The following GSTK1 variants were observed in gnomAD, a reference collection of about 807,000 sequenced individuals.
The protein encoded by GSTK1 is glutathione S-transferase kappa 1, also known as GST class-kappa.
Under a neutral mutation model 30.9 loss-of-function variants are expected in GSTK1, and 25 were observed. The ratio of observed to expected loss-of-function variants is 0.81; its 90% CI spans 0.59 to 1.13. The LOEUF (loss-of-function observed/expected upper bound fraction) is 1.13, where lower values mean the gene tolerates loss of function less well. Ranked by LOEUF, GSTK1 falls within the 50% of genes most tolerant of loss-of-function variation. The probability of loss-of-function intolerance (pLI) is 0.00; values close to 1 mark genes in which losing one functional copy is unlikely to be tolerated. For synonymous variants in GSTK1, 108 were observed against 112.5 expected (o/e 0.96, Z 0.25); for missense variants, 292 against 292.4 (o/e 1.00, Z 0.01).
rs1225726264 is a variant in GSTK1 at position 143,264,634 on chromosome 7, A to T, written c.241A>T (p.Ile81Phe). The change falls in exon 3 of 8, where the codon ATC (isoleucine) becomes TTC (phenylalanine). Residue 81 changes from isoleucine to phenylalanine, a missense_variant. By Grantham distance (21) the Ile-to-Phe change is conservative. Transcript: ENST00000358406. ...KLLRHHLQIPIHFPKDFLSVM... is the reference protein window; with the variant it reads ...KLLRHHLQIPFHFPKDFLSVM... The stretch of plus-strand genomic sequence containing the variant: ...CCTGAGACACCATCTCCAGATTCCC[A>T]TCCACTTCCCCAAGGATTTCTTGTC... The T allele has an allele frequency of 1.2e-6, 2 of 1,614,064 alleles. No individual in the cohort carries two copies. Among genetic ancestry groups the T allele is most frequent in the Non-Finnish European group, 1.7e-6 (2 of 1,179,978 alleles).
At chr7:143,265,336 A>T (rs1006663004) in intron 5 of GSTK1, 40 bp downstream of exon 5, 1 of 1,527,960 alleles carries the variant, frequency 6.5e-7, no homozygotes. Context: ...CTCATAGAGA[A>T]TCTGAGAACA....
At chr7:143,264,410 C>A (rs900831258) in intron 2 of GSTK1, 138 bp from the exon 3 acceptor site, 2 of 956,256 alleles carry the variant, frequency 2.1e-6, no homozygotes, top group Non-Finnish European at 1.6e-6. Context: ...CACCATTGCA[C>A]TCCAGCCTGG....
At chr7:143,265,769 A>G (rs1800857366) in intron 5 of GSTK1, among the ~76,000 whole-genome samples, 1 of 152,228 alleles carries the variant, frequency 6.6e-6, no homozygotes, top group Non-Finnish European at 1.5e-5. Context: ...AACATTGACC[A>G]GTGAGCCATG....
chr7:143,267,619 T>G lies in GSTK1; in HGVS notation c.423T>G (p.Ala141=). ...TATTCCCTACTATATTCCCTTAGGC[T>G]GCAGAGAAGGCTGGTATGTCTGCAG... ...DITEPQSILA[A]AEKAGMSAEQ... The change falls in exon 6 of 8, where the codon GCT becomes GCG. Residue 141 remains alanine (A), a splice_region_variant and synonymous_variant. Transcript: ENST00000358406. The G allele has an allele frequency of 6.2e-7, 1 of 1,610,304 alleles. No homozygotes were observed. The highest frequency in any genetic ancestry group is 8.5e-7 in the Non-Finnish European group (1 of 1,176,480).
In GSTK1 at chr7:143,264,998, T is replaced by G. The variant is rs1271123759; in HGVS notation, c.290T>G (p.Leu97Trp). The G allele has an allele frequency of 6.2e-7, 1 of 1,613,656 alleles. No homozygotes were observed. Among genetic ancestry groups the G allele is most frequent in the Non-Finnish European group, 8.5e-7 (1 of 1,179,772 alleles). The change falls in exon 4 of 8, where the codon TTG becomes TGG. Residue 97 changes from leucine to tryptophan, a missense_variant. Leu to Trp is a moderately conservative substitution (Grantham distance 61). Transcript: ENST00000358406. Reference protein sequence around the residue: ...FLSVMLEKGSLSAMRFLTAVN... With the variant: ...FLSVMLEKGSWSAMRFLTAVN... Reference sequence around the variant, plus strand: ...GGGTGCCTCTGCCCCACAGGAAGTTTGTCTGCCATGCGTTTCCTCACCGCC... The same window carrying G: ...GGGTGCCTCTGCCCCACAGGAAGTTGGTCTGCCATGCGTTTCCTCACCGCC...
chr7:143,263,544 T>C lies in GSTK1; in HGVS notation c.31T>C (p.Phe11Leu). ...GCCCCTGCCGCGCACCGTGGAGCTC[T>C]TCTATGACGTGCTGTCCCCCTACTC... MGPLPRTVELFYDVLSPYSWL... is the reference protein window; with the variant it reads MGPLPRTVELLYDVLSPYSWL... Residue 11 changes from phenylalanine to leucine, a missense_variant, in exon 1 of 8, where the codon TTC becomes CTC. Coordinates refer to ENST00000358406, the MANE Select transcript of GSTK1 (RefSeq NM_015917.3). The C allele has an allele frequency of 6.2e-7, 1 of 1,610,748 alleles. No homozygotes were observed. The highest frequency in any genetic ancestry group is 8.5e-7 in the Non-Finnish European group (1 of 1,180,022).
At position 143,267,695 on chromosome 7, in the gene GSTK1, C is replaced by T. The variant is rs768405417; in HGVS notation, c.499C>T (p.Gln167Ter). Residue 167 changes from glutamine (Q) to a stop codon, truncating the protein, a stop_gained, in exon 6 of 8, where the codon CAG (glutamine) becomes TAG (stop). Coordinates refer to ENST00000358406, the MANE Select transcript of GSTK1 (RefSeq NM_015917.3). LOFTEE classifies it high-confidence loss of function. ...GATCGCAACGCCAAAGGTGAAGAAC[C>T]AGCTCAAGGAGACCACTGAGGCAGC... Reference protein sequence around the residue: ...EKIATPKVKNQLKETTEAACR... With the variant: ...EKIATPKVKN The T allele has an allele frequency of 3.0e-5, 49 of 1,614,046 alleles. No homozygotes were observed. Among genetic ancestry groups the T allele is most frequent in the Non-Finnish European group, 4.0e-5 (47 of 1,179,968 alleles).
Position 143,265,100 on chromosome 7 carries a change from T to TG in GSTK1, c.384+12dup. 2 of 1,614,102 alleles carry TG rather than the reference T, an allele frequency of 1.2e-6. No homozygotes were observed. Among genetic ancestry groups the TG allele is most frequent in the Non-Finnish European group, 1.7e-6 (2 of 1,180,024 alleles). ...ATGCGCGTCTGGTCAAGGGTGAGTG[T>TG]GGGGCTCTGGGAATCCTCTGGGAGG... On this transcript the variant is annotated intron_variant, in intron 4 of 7. Transcript: ENST00000358406.
chr7:143,268,957 C>T lies in GSTK1; in HGVS notation c.*120C>T. On this transcript the variant is annotated 3_prime_UTR_variant, in exon 8 of 8. Transcript: ENST00000358406. The surrounding 1 kb of genome is among the most constrained non-coding windows in gnomAD (Gnocchi z 4.1). ...TATCTGATAGAGGTATTTTCTGTGG[C>T]CCTGGGAGCTGTCTGTCTTTCCCCT... The T allele has an allele frequency of 1.2e-6, 1 of 851,898 alleles. No homozygotes were observed. Among genetic ancestry groups the T allele is most frequent in the South Asian group, 1.4e-5 (1 of 70,512 alleles). The allele number at this position is 851,898 out of a possible 1,614,324, so 52.8% of individuals were successfully genotyped here.
In GSTK1 at chr7:143,268,181, C is replaced by CTGGG; in HGVS notation, c.630_631+2dup. 1 of 1,612,920 alleles carries CTGGG rather than the reference C, an allele frequency of 6.2e-7. No homozygotes were observed. The highest frequency in any genetic ancestry group is 8.5e-7 in the Non-Finnish European group (1 of 1,179,282). On this transcript the variant is annotated frameshift_variant, in exon 7 of 8. Coordinates refer to ENST00000358406, the MANE Select transcript of GSTK1 (RefSeq NM_015917.3). LOFTEE classifies it high-confidence loss of function. The surrounding 1 kb of genome is among the most constrained non-coding windows in gnomAD (Gnocchi z 4.1). Reference sequence around the variant, plus strand: ...CCGGATGGAGCTGCTGGCGCACCTGCTGGGTAAGTAAGTTAAAGAATCAAC... The same window carrying CTGGG: ...CCGGATGGAGCTGCTGGCGCACCTGCTGGGTGGGTAAGTAAGTTAAAGAATCAAC...
rs200987806 is a variant in GSTK1 at position 143,263,505 on chromosome 7, G to T, written c.-9G>T. On this transcript the variant is annotated 5_prime_UTR_variant, in exon 1 of 8. Transcript: ENST00000358406. ...CTCCTGCTGCCACTGCTCTTCCGGA[G>T]CCTGCAGCATGGGGCCCCTGCCGCG... 6.2e-7 allele frequency: 1 copy of T among 1,609,000 alleles called. No individual in the cohort carries two copies. Among genetic ancestry groups the T allele is most frequent in the South Asian group, 1.1e-5 (1 of 91,088 alleles).
rs757177906 is a variant in GSTK1, at chr7:143,264,692, T to G, written c.283+16T>G. The G allele has an allele frequency of 6.2e-7, 1 of 1,613,776 alleles. No homozygotes were observed. Among genetic ancestry groups the G allele is most frequent in the South Asian group, 1.1e-5 (1 of 91,076 alleles). On this transcript the variant is annotated intron_variant, in intron 3 of 7. Transcript: ENST00000358406. ...CTTGAAAAAGGTGAAGAGAGTGGGA[T>G]GTAGACAGGGTATCCAGTGAAAAAC... is the stretch of plus-strand genomic sequence containing the variant.
At position 143,268,135 on chromosome 7, in the gene GSTK1, C is replaced by A. The variant is rs1281679161; in HGVS notation, c.582C>A (p.Thr194=). 5 of 1,614,128 alleles carry A rather than the reference C, an allele frequency of 3.1e-6. No individual in the cohort carries two copies. Among genetic ancestry groups the A allele is most frequent in the Non-Finnish European group, 4.2e-6 (5 of 1,180,006 alleles). ...CCGTGGCCCATGTGGATGGCCAAAC[C>A]CACATGTTATTTGGCTCTGACCGGA... ...PITVAHVDGQ[T]HMLFGSDRME... The change falls in exon 7 of 8, where the codon ACC becomes ACA. Residue 194 remains threonine (T), a synonymous_variant. Coordinates refer to ENST00000358406, the MANE Select transcript of GSTK1 (RefSeq NM_015917.3). This position sits in a 1 kb window ranked among gnomAD's most constrained non-coding sequence, Gnocchi z 4.1.
At chr7:143,265,189 G>A (rs370713285) in intron 4 of GSTK1, 72 bp from the exon 5 acceptor site, 44 of 1,606,258 alleles carry the variant, frequency 2.7e-5, no homozygotes, top group Non-Finnish European at 3.4e-5. Flanking sequence ...GCCCCCGCCC[G>A]GGGGATCTAC....
chr7:143,264,252 C>A, intron 2 of GSTK1, 85 bp downstream of exon 2: 1 of 1,186,910 alleles, frequency 8.4e-7, no homozygotes, highest in Non-Finnish European at 1.2e-6. Flanking sequence ...CACTGGCAGC[C>A]AGAAAGCTGC....
Position 143,263,591 on chromosome 7 carries a change from G to A in GSTK1, c.72+6G>A, listed in dbSNP as rs200270141. The A allele has an allele frequency of 1.3e-4, 207 of 1,606,898 alleles. No homozygotes were observed. The African/African-American group carries it at 2.4e-3, about 19-fold the overall frequency. Reference sequence around the variant, plus strand: ...ACTCCTGGCTGGGCTTCGAGGTGACGCTGGGAGGGGTCGCCTCGGCAGTGT... The same window carrying A: ...ACTCCTGGCTGGGCTTCGAGGTGACACTGGGAGGGGTCGCCTCGGCAGTGT... On this transcript the variant is annotated splice_donor_region_variant and intron_variant, in intron 1 of 7. Coordinates refer to ENST00000358406, the MANE Select transcript of GSTK1 (RefSeq NM_015917.3).
At chr7:143,265,889 A>G (rs778085661) in intron 5 of GSTK1, among the ~76,000 whole-genome samples, 4 of 152,198 alleles carry the variant, frequency 2.6e-5, no homozygotes, top group Non-Finnish European at 5.9e-5. Context: ...CAAATTTAAT[A>G]TATAAAGTGG....
chr7:143,265,172 T>G, intron 4 of GSTK1, 80 bp downstream of exon 4: 1 of 1,610,334 alleles, frequency 6.2e-7, no homozygotes, highest in East Asian at 2.2e-5. Flanking sequence ...TTCAGGGTCA[T>G]GATCCTGCCC....
intron 5 of GSTK1, among the ~76,000 whole-genome samples, chr7:143,266,981 A>G (rs140667928): frequency 5.8e-4 from 88 of 152,106 alleles, no homozygotes; most frequent in Admixed American, 1.5e-3. Context: ...GGATGACCTC[A>G]CGTGGAGATT....
Sources: gnomAD v4.1 joint callset for allele counts (sites outside exome capture counted in the v4.1 genomes callset) on GRCh38, gnomAD v4.1.1 for gene constraint, Gnocchi (gnomAD v3.1) non-coding constraint, MANE v1.5 for transcripts, NCBI Gene and HGNC (gene_info 2026-07-23, HGNC 2026-07-21) for gene names.